DGKB: variants seen among roughly 807,000 people sequenced by gnomAD.
DGKB encodes the protein diacylglycerol kinase beta, also known as 90 kDa diacylglycerol kinase.
DGKB carries 67 observed loss-of-function variants against 114.3 expected under a neutral mutation model. The observed-to-expected ratio is 0.59, with a 90% CI of 0.48 to 0.72. The LOEUF is 0.72. Among genes scored for constraint, DGKB ranks in the 30% least tolerant of loss-of-function variants. DGKB has a pLI of 0.00. For synonymous variants in DGKB, 398 were observed against 323.1 expected (o/e 1.23, Z -2.49); for missense variants, 907 against 975.2 (o/e 0.93, Z 0.93).
intron 1 of DGKB, among the ~76,000 whole-genome samples, chr7:14,847,975 C>T (rs1331324810): frequency 6.6e-6 from 1 of 152,144 alleles, no homozygotes; most frequent in Non-Finnish European, 1.5e-5. Flanking sequence ...AAAAGAGCTA[C>T]ATAATTGAGA....
chr7:14,709,146 G>C, intron 6 of DGKB, among the ~76,000 whole-genome samples: 1 of 151,672 alleles, frequency 6.6e-6, no homozygotes. Context: ...CCATCAAAAA[G>C]TGGGCGAAGG....
chr7:14,715,162 G>C (rs1261949930), intron 6 of DGKB, among the ~76,000 whole-genome samples: 1 of 152,084 alleles, frequency 6.6e-6, no homozygotes, highest in Non-Finnish European at 1.5e-5. Flanking sequence ...TAAATCAAGA[G>C]TCAAGGTTTT....
At chr7:14,388,070 G>A (rs1310871627) in intron 21 of DGKB, among the ~76,000 whole-genome samples, 1 of 151,076 alleles carries the variant, frequency 6.6e-6, no homozygotes, top group Non-Finnish European at 1.5e-5. Flanking sequence ...AGTAGAGACG[G>A]GTTTCACCTT....
intron 1 of DGKB, among the ~76,000 whole-genome samples, chr7:14,962,630 G>GTGTGTT (rs1159233605): frequency 7.1e-6 from 1 of 140,164 alleles, no homozygotes; most frequent in African/African-American, 2.8e-5. Flanking sequence ...GTGTGTGTGT[G>GTGTGTT]TGTGTTTGTG....
chr7:14,431,269 T>C (rs1690275089), intron 21 of DGKB, among the ~76,000 whole-genome samples: 1 of 152,180 alleles, frequency 6.6e-6, no homozygotes, highest in African/African-American at 2.4e-5. Context: ...AGTGTAACTT[T>C]TAACACCTTT....
At chr7:14,509,686 G>A (rs1787680220) in intron 20 of DGKB, among the ~76,000 whole-genome samples, 1 of 152,158 alleles carries the variant, frequency 6.6e-6, no homozygotes, top group Admixed American at 6.5e-5. Context: ...CAGAGCCCGA[G>A]AGCTCTGGGC....
At position 14,538,806 on chromosome 7, in the gene DGKB, A is replaced by T. The variant is rs985308424; in HGVS notation, c.1770+35406T>A. Among the ~76,000 whole-genome samples the T allele has an allele frequency of 2.6e-5, 4 of 152,308 alleles. No individual in the cohort carries two copies. The East Asian group carries it at 7.7e-4, about 29-fold the overall frequency. ...TTGGAAGGTTATTCACCCTTTAAAA[A>T]GATGGAAATCCTAGCATTTGTGACA... On this transcript the variant is annotated intron_variant, in intron 20 of 25. Transcript: ENST00000402815.
intron 6 of DGKB, among the ~76,000 whole-genome samples, chr7:14,710,291 T>G (rs1264520240): frequency 6.6e-6 from 1 of 152,124 alleles, no homozygotes; most frequent in African/African-American, 2.4e-5. Context: ...TGGTAAAATT[T>G]CTTAAATTTT....
chr7:14,369,000 C>T (rs1014048157), intron 21 of DGKB, among the ~76,000 whole-genome samples: 2 of 152,020 alleles, frequency 1.3e-5, no homozygotes, highest in Non-Finnish European at 2.9e-5. Context: ...TATACATGTG[C>T]CATGGTGGTT....
Position 14,672,914 on chromosome 7 carries a change from TAAG to T in DGKB, c.1134+12_1134+14del, listed in dbSNP as rs1819210059. The T allele has an allele frequency of 6.8e-7, 1 of 1,471,174 alleles. No individual in the cohort carries two copies. The highest frequency in any genetic ancestry group is 1.7e-4 in the Middle Eastern group (1 of 5,840). The allele number at this position is 1,471,174 out of a possible 1,614,324, so 91.1% of individuals were successfully genotyped here. The stretch of plus-strand genomic sequence containing the variant: ...GCAATCCTAAGTTATAGTAGAATGA[TAAG>T]GAAAAACTCACCAGTACCACTGGAC... On this transcript the variant is annotated intron_variant, in intron 13 of 25. Coordinates refer to ENST00000402815, the MANE Select transcript of DGKB (RefSeq NM_001350709.2).
At chr7:14,949,932 T>A (rs1449643098) in intron 1 of DGKB, among the ~76,000 whole-genome samples, 1 of 149,540 alleles carries the variant, frequency 6.7e-6, no homozygotes, top group Admixed American at 6.7e-5. Flanking sequence ...AAGGGAAACA[T>A]CACACACAGG....
intron 13 of DGKB, among the ~76,000 whole-genome samples, chr7:14,647,147 A>T (rs547780050): frequency 1.3e-5 from 2 of 152,208 alleles, no homozygotes; most frequent in South Asian, 4.1e-4. Context: ...ATACCACATA[A>T]ATACAAAGGA....
At chr7:14,313,776 C>A (rs1239743281) in intron 23 of DGKB, among the ~76,000 whole-genome samples, 7 of 152,240 alleles carry the variant, frequency 4.6e-5, no homozygotes, top group African/African-American at 1.7e-4. Context: ...GGGTGGAGCC[C>A]ACCACAGCTC....
At chr7:14,646,983 A>T (rs1813158486) in intron 13 of DGKB, among the ~76,000 whole-genome samples, 2 of 151,922 alleles carry the variant, frequency 1.3e-5, no homozygotes, top group South Asian at 4.1e-4. Flanking sequence ...TCAAAGCAGA[A>T]CTAAACAAAA....
chr7:14,830,348 A>G (rs906973318), intron 2 of DGKB, among the ~76,000 whole-genome samples: 1 of 147,516 alleles, frequency 6.8e-6, no homozygotes, highest in Admixed American at 6.9e-5. Context: ...AGAGCTTTTA[A>G]GAGCCCATTT....
intron 21 of DGKB, among the ~76,000 whole-genome samples, chr7:14,444,908 C>A (rs1472343494): frequency 6.6e-6 from 1 of 151,700 alleles, no homozygotes; most frequent in Middle Eastern, 3.2e-3. Context: ...ATTCACTGGG[C>A]CACTAATAAG....
chr7:14,623,887 C>G (rs2128822047), intron 14 of DGKB, among the ~76,000 whole-genome samples: 1 of 152,246 alleles, frequency 6.6e-6, no homozygotes, highest in Middle Eastern at 3.4e-3. Flanking sequence ...CTCATCTCTA[C>G]TACCTAAGTA....
At chr7:14,907,456 C>G (rs1783767499), upstream of DGKB, among the ~76,000 whole-genome samples, 1 of 152,196 alleles carries the variant, frequency 6.6e-6, no homozygotes, top group African/African-American at 2.4e-5. Flanking sequence ...GCACCTACCC[C>G]ACAGAGTGGT....
chr7:14,469,122 A>T (rs917154610), intron 21 of DGKB, among the ~76,000 whole-genome samples: 2 of 152,020 alleles, frequency 1.3e-5, no homozygotes, highest in African/African-American at 4.8e-5. Flanking sequence ...AGCCCCAGGA[A>T]ATATCTTCCC....
Sources: allele counts gnomAD v4.1 joint callset (sites outside exome capture counted in the v4.1 genomes callset), GRCh38; gene constraint gnomAD v4.1.1; transcripts MANE v1.5; gene names NCBI Gene and HGNC (gene_info 2026-07-23, HGNC 2026-07-21).